The following OR6C74 variants were observed in gnomAD, a reference collection of about 807,000 sequenced individuals.
The protein encoded by OR6C74 is olfactory receptor 6C74.
For missense variants in OR6C74, 361 were observed against 362.9 expected (o/e 0.99, Z 0.04); for synonymous variants, 142 against 134.2 (o/e 1.06, Z -0.40).
rs1467804420 is a variant in OR6C74, at chr12:55,255,869, A to G, written c.*7643A>G. On this transcript the variant is annotated 3_prime_UTR_variant, in exon 2 of 2. Transcript: ENST00000343399. ...TAGAGATAAATTTATAGAGAAAGTAACATATCAGTGGTTGCCAGGACTTTG... is the reference window on the plus strand; with the variant it reads ...TAGAGATAAATTTATAGAGAAAGTAGCATATCAGTGGTTGCCAGGACTTTG... 6.6e-6 allele frequency among the ~76,000 whole-genome samples: 1 copy of G among 152,184 alleles called. No homozygotes were observed. Among genetic ancestry groups the G allele is most frequent in the African/African-American group, 2.4e-5 (1 of 41,450 alleles).
At position 55,251,437 on chromosome 12, in the gene OR6C74, G is replaced by A. The variant is rs1645863706; in HGVS notation, c.*3211G>A. ...AGTTTTCTACATTCTCTTCATCCAA[G>A]CCGGTGCCTAGTAAGGAATAAATAA... On this transcript the variant is annotated 3_prime_UTR_variant, in exon 2 of 2. Transcript: ENST00000343399. Among the ~76,000 whole-genome samples the A allele has an allele frequency of 6.6e-6, 1 of 151,856 alleles. No homozygotes were observed. Among genetic ancestry groups the A allele is most frequent in the African/African-American group, 2.4e-5 (1 of 41,360 alleles).
In OR6C74 at chr12:55,254,630, CA is replaced by C. The variant is rs1421992287; in HGVS notation, c.*6406del. Among the ~76,000 whole-genome samples the C allele has an allele frequency of 1.3e-5, 2 of 152,030 alleles. No individual in the cohort carries two copies. The highest frequency in any genetic ancestry group is 2.9e-5 in the Non-Finnish European group (2 of 67,996). On this transcript the variant is annotated 3_prime_UTR_variant, in exon 2 of 2. Coordinates refer to ENST00000343399, the MANE Select transcript of OR6C74 (RefSeq NM_001005490.2). Reference sequence around the variant, plus strand: ...AATTCAAGATAATAATTAAAGGATACAACCTTGTAATTTTCTTTCTTTAAGA... The same window carrying C: ...AATTCAAGATAATAATTAAAGGATACACCTTGTAATTTTCTTTCTTTAAGA...
rs1341943387 is a variant in OR6C74, at chr12:55,254,763, C to T, written c.*6537C>T. Among the ~76,000 whole-genome samples, 3 of 152,068 alleles carry T rather than the reference C, an allele frequency of 2.0e-5. No homozygotes were observed. Among genetic ancestry groups the T allele is most frequent in the Non-Finnish European group, 2.9e-5 (2 of 67,988 alleles). On this transcript the variant is annotated 3_prime_UTR_variant, in exon 2 of 2. Coordinates refer to ENST00000343399, the MANE Select transcript of OR6C74 (RefSeq NM_001005490.2). ...ACCTTATACATCTACTTTGAGAAAG[C>T]TCAGCCTTAAATATAAGCTTCTTTC... is the stretch of plus-strand genomic sequence containing the variant.
Position 55,244,813 on chromosome 12 carries a change from C to A in OR6C74, c.-14C>A, listed in dbSNP as rs949944599. Among the ~76,000 whole-genome samples, 26 of 151,892 alleles carry A rather than the reference C, an allele frequency of 1.7e-4. No individual in the cohort carries two copies. Among genetic ancestry groups the A allele is most frequent in the Admixed American group, 1.6e-3 (24 of 15,248 alleles). Reference sequence around the variant, plus strand: ...AATAAAAATCATGAGAAGAAATGAACCTAGGTAAGATTAATGTCATAATAA... The same window carrying A: ...AATAAAAATCATGAGAAGAAATGAAACTAGGTAAGATTAATGTCATAATAA... On this transcript the variant is annotated 5_prime_UTR_variant, in exon 1 of 2. Transcript: ENST00000343399.
Position 55,247,903 on chromosome 12 carries a change from C to T in OR6C74, c.616C>T (p.Leu206=). 6.2e-7 allele frequency: 1 copy of T among 1,613,940 alleles called. No individual in the cohort carries two copies. The highest frequency in any genetic ancestry group is 8.5e-7 in the Non-Finnish European group (1 of 1,179,900). The part of the protein sequence containing the change: ...MMLLSAILTL[L]VTLVLVILSY... ...GCTTCTCTCAGCCATTTTGACGCTC[C>T]TGGTTACACTGGTATTAGTGATTCT... The change falls in exon 2 of 2, where the codon CTG becomes TTG. Residue 206 remains leucine (L), a synonymous_variant. Transcript: ENST00000343399.
rs1031800151 is a variant in OR6C74 at position 55,249,901 on chromosome 12, C to T, written c.*1675C>T. On this transcript the variant is annotated 3_prime_UTR_variant, in exon 2 of 2. Transcript: ENST00000343399. ...GGTATATCTCCTAATGCTATCCCTC[C>T]CCTCTCCCCCCACCTCACAGCAGGC... Among the ~76,000 whole-genome samples the T allele has an allele frequency of 3.3e-5, 5 of 152,010 alleles. No homozygotes were observed. Among genetic ancestry groups the T allele is most frequent in the African/African-American group, 9.7e-5 (4 of 41,386 alleles).
rs1478218537 is a variant in OR6C74, at chr12:55,255,170, TG to T, written c.*6949del. 6.6e-6 allele frequency among the ~76,000 whole-genome samples: 1 copy of T among 152,060 alleles called. No individual in the cohort carries two copies. Among genetic ancestry groups the T allele is most frequent in the Non-Finnish European group, 1.5e-5 (1 of 67,984 alleles). On this transcript the variant is annotated 3_prime_UTR_variant, in exon 2 of 2. Coordinates refer to ENST00000343399, the MANE Select transcript of OR6C74 (RefSeq NM_001005490.2). ...TTTTCTAGCTATCTCTTTAAAATAG[TG>T]GGGGTTCCCTAAGTTCAGGATTTCA...
At position 55,249,550 on chromosome 12, in the gene OR6C74, A is replaced by G. The variant is rs1310194875; in HGVS notation, c.*1324A>G. On this transcript the variant is annotated 3_prime_UTR_variant, in exon 2 of 2. Transcript: ENST00000343399. The stretch of plus-strand genomic sequence containing the variant: ...TACAAGCATTAGTGAGAAGCTTTAA[A>G]TATATATATATCTAAATAAATATTA... 6.6e-6 allele frequency among the ~76,000 whole-genome samples: 1 copy of G among 151,910 alleles called. No individual in the cohort carries two copies. The highest frequency in any genetic ancestry group is 2.4e-5 in the African/African-American group (1 of 41,402).
At position 55,248,029 on chromosome 12, in the gene OR6C74, A is replaced by G; in HGVS notation, c.742A>G (p.Ile248Val). 1 of 1,614,058 alleles carries G rather than the reference A, an allele frequency of 6.2e-7. No individual in the cohort carries two copies. Among genetic ancestry groups the G allele is most frequent in the Non-Finnish European group, 8.5e-7 (1 of 1,179,984 alleles). The change falls in exon 2 of 2, where the codon ATT becomes GTT. Residue 248 changes from isoleucine (I) to valine (V), a missense_variant. Physicochemically the swap from Ile to Val is conservative, Grantham distance 29 (BLOSUM62 3). Transcript: ENST00000343399. ...TCSSHMVVVS[I>V]SYGSCIFMYV... ...TTCTTCCCACATGGTGGTCGTGTCC[A>G]TTTCTTATGGCAGCTGCATCTTCAT...
At position 55,254,748 on chromosome 12, in the gene OR6C74, T is replaced by A. The variant is rs140876848; in HGVS notation, c.*6522T>A. ...AGCACAGTGCTCTTTACCTTATACA[T>A]CTACTTTGAGAAAGCTCAGCCTTAA... On this transcript the variant is annotated 3_prime_UTR_variant, in exon 2 of 2. Transcript: ENST00000343399. Among the ~76,000 whole-genome samples the A allele has an allele frequency of 1.8e-4, 27 of 152,248 alleles. No individual in the cohort carries two copies. Among genetic ancestry groups the A allele is most frequent in the African/African-American group, 6.5e-4 (27 of 41,570 alleles).
At position 55,251,623 on chromosome 12, in the gene OR6C74, C is replaced by T. The variant is rs1054010233; in HGVS notation, c.*3397C>T. On this transcript the variant is annotated 3_prime_UTR_variant, in exon 2 of 2. Transcript: ENST00000343399. ...TTAATAGATTGGACTTGATGACAGG[C>T]AATATGAAAAAAAAATTAGGTGTTA... Among the ~76,000 whole-genome samples the T allele has an allele frequency of 6.7e-6, 1 of 149,896 alleles. No individual in the cohort carries two copies. The highest frequency in any genetic ancestry group is 2.5e-5 in the African/African-American group (1 of 40,770).
rs529622774 is a variant in OR6C74 at position 55,248,733 on chromosome 12, AT to A, written c.*515del. Among the ~76,000 whole-genome samples, 661 of 152,206 alleles carry A rather than the reference AT, an allele frequency of 4.3e-3. 3 individuals are homozygous for A. Among genetic ancestry groups the A allele is most frequent in the Non-Finnish European group, 7.7e-3 (525 of 67,994 alleles). ...TTAATTACACAGTTTAATAGCTTCAATTTTTTTTAACCAGGCTTAGAGATAT... is the reference window on the plus strand; with the variant it reads ...TTAATTACACAGTTTAATAGCTTCAATTTTTTTAACCAGGCTTAGAGATAT... On this transcript the variant is annotated 3_prime_UTR_variant, in exon 2 of 2. Transcript: ENST00000343399.
In OR6C74 at chr12:55,248,175, A is replaced by C. The variant is rs143939763; in HGVS notation, c.888A>C (p.Lys296Asn). Residue 296 changes from lysine (K) to asparagine (N), a missense_variant, in exon 2 of 2, where the codon AAA becomes AAC. Transcript: ENST00000343399. ...FIYTLRNKQVKDVFKHTVKKI... is the reference protein window; with the variant it reads ...FIYTLRNKQVNDVFKHTVKKI... ...ATACACTGAGAAACAAACAAGTAAAAGATGTTTTTAAGCACACAGTCAAAA... is the reference window on the plus strand; with the variant it reads ...ATACACTGAGAAACAAACAAGTAAACGATGTTTTTAAGCACACAGTCAAAA... The C allele has an allele frequency of 1.9e-3, 3,122 of 1,613,370 alleles. 8 individuals carry two copies. The highest frequency in any genetic ancestry group is 2.2e-3 in the Non-Finnish European group (2,556 of 1,179,656).
Position 55,251,026 on chromosome 12 carries a change from C to A in OR6C74, c.*2800C>A, listed in dbSNP as rs1176041995. 6.6e-6 allele frequency among the ~76,000 whole-genome samples: 1 copy of A among 152,086 alleles called. No homozygotes were observed. The highest frequency in any genetic ancestry group is 2.4e-5 in the African/African-American group (1 of 41,434). On this transcript the variant is annotated 3_prime_UTR_variant, in exon 2 of 2. Transcript: ENST00000343399. ...CAGTCATGCCACCACTCTACTAATA[C>A]ATTATTGATGGTTCTCCGTTGCCTG... is the stretch of plus-strand genomic sequence containing the variant.
rs1324880441 is a variant in OR6C74 at position 55,255,419 on chromosome 12, T to A, written c.*7193T>A. ...AAGGATCTAGAACTAGAAATACCAT[T>A]TGACCCAGCAATCCCATTACTGGGT... On this transcript the variant is annotated 3_prime_UTR_variant, in exon 2 of 2. Coordinates refer to ENST00000343399, the MANE Select transcript of OR6C74 (RefSeq NM_001005490.2). 6.6e-6 allele frequency among the ~76,000 whole-genome samples: 1 copy of A among 152,090 alleles called. No individual in the cohort carries two copies. Among genetic ancestry groups the A allele is most frequent in the African/African-American group, 2.4e-5 (1 of 41,426 alleles).
In OR6C74 at chr12:55,252,751, C is replaced by T. The variant is rs958218948; in HGVS notation, c.*4525C>T. Among the ~76,000 whole-genome samples, 3 of 151,850 alleles carry T rather than the reference C, an allele frequency of 2.0e-5. No homozygotes were observed. Among genetic ancestry groups the T allele is most frequent in the African/African-American group, 7.2e-5 (3 of 41,386 alleles). ...AAGAAAACATATTACTGATGGAGAC[C>T]TGTTGTCATAGGGAAGGGAAAACTA... On this transcript the variant is annotated 3_prime_UTR_variant, in exon 2 of 2. Coordinates refer to ENST00000343399, the MANE Select transcript of OR6C74 (RefSeq NM_001005490.2).
Position 55,247,379 on chromosome 12 carries a change from T to C in OR6C74, c.92T>C (p.Phe31Ser), listed in dbSNP as rs752347317. The change falls in exon 2 of 2, where the codon TTC becomes TCC. Residue 31 changes from phenylalanine (F) to serine (S), a missense_variant. Physicochemically the swap from Phe to Ser is radical, Grantham distance 155. Transcript: ENST00000343399. Reference protein sequence around the residue: ...LQVIIFLLLFFTYMLSITGNL... With the variant: ...LQVIIFLLLFSTYMLSITGNL... ...GTGATTATTTTTCTTCTCCTTTTTT[T>C]CACCTACATGTTGAGCATCACTGGG... The C allele has an allele frequency of 1.2e-6, 2 of 1,612,382 alleles. No homozygotes were observed. Among genetic ancestry groups the C allele is most frequent in the Non-Finnish European group, 1.7e-6 (2 of 1,178,522 alleles).
In OR6C74 at chr12:55,248,608, T is replaced by A. The variant is rs903530535; in HGVS notation, c.*382T>A. Among the ~76,000 whole-genome samples, 1 of 152,230 alleles carries A rather than the reference T, an allele frequency of 6.6e-6. No homozygotes were observed. The highest frequency in any genetic ancestry group is 2.4e-5 in the African/African-American group (1 of 41,460). On this transcript the variant is annotated 3_prime_UTR_variant, in exon 2 of 2. Transcript: ENST00000343399. ...AGTTCAGTAGACTACCTAGGTTTGA[T>A]CACTTAACGCGTGCATTATTGGTGG...
At position 55,249,968 on chromosome 12, in the gene OR6C74, A is replaced by G. The variant is rs1344205200; in HGVS notation, c.*1742A>G. Among the ~76,000 whole-genome samples, 2 of 151,722 alleles carry G rather than the reference A, an allele frequency of 1.3e-5. No individual in the cohort carries two copies. On this transcript the variant is annotated 3_prime_UTR_variant, in exon 2 of 2. Coordinates refer to ENST00000343399, the MANE Select transcript of OR6C74 (RefSeq NM_001005490.2). Reference sequence around the variant, plus strand: ...CGCCTTCCTGTGTCCAGGTGTTCTTATTGTTCAATTCCCACCTATGAGTGA... The same window carrying G: ...CGCCTTCCTGTGTCCAGGTGTTCTTGTTGTTCAATTCCCACCTATGAGTGA...
Sources: allele counts gnomAD v4.1 joint callset (sites outside exome capture counted in the v4.1 genomes callset), GRCh38; gene constraint gnomAD v4.1.1; transcripts MANE v1.5; gene names NCBI Gene and HGNC (gene_info 2026-07-23, HGNC 2026-07-21).